NLRP14: variants seen among roughly 807,000 people sequenced by gnomAD.
NLRP14 encodes the protein NACHT, LRR and PYD domains-containing protein 14.
NLRP14 carries 105 observed loss-of-function variants against 94.7 expected under a neutral mutation model. That is an observed-to-expected ratio of 1.11 (90% CI 0.95 to 1.30). The LOEUF is 1.30. Ranked by LOEUF, NLRP14 falls within the 50% of genes most tolerant of loss-of-function variation. NLRP14 has a pLI of 0.00. For missense variants in NLRP14, 1,362 were observed against 1,254.1 expected, an observed-to-expected ratio of 1.09 and a Z score of -1.30; for synonymous variants, 508 against 459.9, an observed-to-expected ratio of 1.10 and a Z score of -1.34.
the NLRP14 span, among the ~76,000 whole-genome samples, chr11:7,085,566 T>A: frequency 6.6e-6 from 1 of 152,198 alleles, no homozygotes. Flanking sequence ...TTTCCTTCCC[T>A]AAGGCTAAAT....
intron 10 of NLRP14, among the ~76,000 whole-genome samples, chr11:7,066,553 G>T (rs549375851): frequency 9.9e-5 from 15 of 152,140 alleles, no homozygotes; most frequent in African/African-American, 3.6e-4. Flanking sequence ...TTTTGATGGG[G>T]TTGTTTTTTT....
At chr11:7,024,671 T>C (rs1469712069) in intron 1 of NLRP14, among the ~76,000 whole-genome samples, 1 of 152,218 alleles carries the variant, frequency 6.6e-6, no homozygotes, top group African/African-American at 2.4e-5. Flanking sequence ...TGTGTGTGCA[T>C]GCATACAAGT....
the NLRP14 span, chr11:7,089,714 GCTGCCCCCGCGCCGCGACCCCTAC>G: frequency 6.6e-7 from 1 of 1,512,420 alleles, no homozygotes; most frequent in Non-Finnish European, 8.8e-7. Context: ...GCCGGGAGCC[GCTGCCCCCGCGCCGCGACCCCTAC>G]CTGGGCCCGC....
downstream of NLRP14, among the ~76,000 whole-genome samples, chr11:7,071,531 G>A (rs982118133): frequency 2.8e-5 from 2 of 72,006 alleles, no homozygotes; most frequent in Non-Finnish European, 3.3e-5. Context: ...TCTCTGAAAA[G>A]TATGTTTTTA....
At chr11:7,055,790 C>T (rs533944908) in intron 6 of NLRP14, among the ~76,000 whole-genome samples, 2 of 152,164 alleles carry the variant, frequency 1.3e-5, no homozygotes, top group South Asian at 4.1e-4. Flanking sequence ...AACAGCTGGT[C>T]AGTGCTACAG....
rs201919128 is a variant in NLRP14 at position 7,059,951 on chromosome 11, A to T, written c.2691A>T (p.Leu897=). 1 of 1,612,554 alleles carries T rather than the reference A, an allele frequency of 6.2e-7. No homozygotes were observed. Among genetic ancestry groups the T allele is most frequent in the African/African-American group, 1.3e-5 (1 of 74,944 alleles). ...LSSEYLSTSL[L]HNKSLTHLDL... Reference sequence around the variant, plus strand: ...GTGAATATCTGTCAACTTCTCTTCTACACAACAAGAGCCTGACGCATCTGG... The same window carrying T: ...GTGAATATCTGTCAACTTCTCTTCTTCACAACAAGAGCCTGACGCATCTGG... Residue 897 remains leucine (L), a synonymous_variant, in exon 9 of 12, where the codon CTA becomes CTT. Coordinates refer to ENST00000299481, the MANE Select transcript of NLRP14 (RefSeq NM_176822.4).
In NLRP14 at chr11:7,043,570, T is replaced by G; in HGVS notation, c.1544T>G (p.Leu515Arg). 1 of 1,614,240 alleles carries G rather than the reference T, an allele frequency of 6.2e-7. No homozygotes were observed. Among genetic ancestry groups the G allele is most frequent in the Non-Finnish European group, 8.5e-7 (1 of 1,180,046 alleles). Residue 515 changes from leucine to arginine, a missense_variant, in exon 4 of 12, where the codon CTT (leucine) becomes CGT (arginine). Coordinates refer to ENST00000299481, the MANE Select transcript of NLRP14 (RefSeq NM_176822.4). ...CQPFEDLKSL[L>R]QSTSYKDPHL... is the part of the protein sequence containing the mutation. The stretch of plus-strand genomic sequence containing the variant: ...CCTTTTGAAGATTTGAAGTCATTAC[T>G]TCAAAGCACAAGTTATAAAGACCCC...
At chr11:7,058,939 A>G (rs893396872) in intron 8 of NLRP14, among the ~76,000 whole-genome samples, 1 of 151,990 alleles carries the variant, frequency 6.6e-6, no homozygotes, top group Non-Finnish European at 1.5e-5. Flanking sequence ...TTGGCCAAAT[A>G]TGGTTAAATT....
chr11:7,047,301 TC>T (rs1367120709), intron 5 of NLRP14, among the ~76,000 whole-genome samples: 4 of 117,024 alleles, frequency 3.4e-5, no homozygotes, highest in Non-Finnish European at 7.0e-5. Flanking sequence ...CTCAGAAAGG[TC>T]CCTTGTACCC....
intron 1 of NLRP14, among the ~76,000 whole-genome samples, chr11:7,026,760 T>A (rs1196718445): frequency 7.2e-6 from 1 of 138,432 alleles, no homozygotes; most frequent in Non-Finnish European, 1.5e-5. Flanking sequence ...CCAACCCAAA[T>A]GTCCAACAAT....
chr11:7,089,070 C>A, the NLRP14 span: 1 of 1,579,784 alleles, frequency 6.3e-7, no homozygotes, highest in Admixed American at 1.8e-5. Context: ...CTGCGACTGG[C>A]GCCGCCTCAC....
intron 6 of NLRP14, among the ~76,000 whole-genome samples, chr11:7,054,438 G>T (rs927961344): frequency 1.3e-5 from 2 of 152,086 alleles, no homozygotes; most frequent in African/African-American, 4.8e-5. Flanking sequence ...GTGTATGAGG[G>T]TTCCTTTTTC....
At chr11:7,070,730 T>A (rs1852781913) in intron 11 of NLRP14, among the ~76,000 whole-genome samples, 1 of 152,184 alleles carries the variant, frequency 6.6e-6, no homozygotes, top group Admixed American at 6.5e-5. Context: ...CCCATCACTC[T>A]TTGTTTTGAT....
chr11:7,088,264 A>G, the NLRP14 span, among the ~76,000 whole-genome samples: 1 of 152,204 alleles, frequency 6.6e-6, no homozygotes, highest in Non-Finnish European at 1.5e-5. Flanking sequence ...CAACAGGCAC[A>G]TATGTTTGAA....
intron 1 of NLRP14, among the ~76,000 whole-genome samples, chr11:7,030,774 G>C (rs1831292965): frequency 1.3e-5 from 2 of 152,200 alleles, no homozygotes; most frequent in African/African-American, 2.4e-5. Context: ...ACTGCTTATT[G>C]GGAGTCAGCC....
intron 1 of NLRP14, among the ~76,000 whole-genome samples, chr11:7,035,907 A>G (rs1296886632): frequency 1.3e-5 from 2 of 152,208 alleles, no homozygotes; most frequent in Non-Finnish European, 2.9e-5. Flanking sequence ...TTAAAAGGCA[A>G]TGCTATGTAG....
chr11:7,052,694 G>T (rs1852457869), intron 6 of NLRP14, among the ~76,000 whole-genome samples: 2 of 152,260 alleles, frequency 1.3e-5, no homozygotes, highest in African/African-American at 2.4e-5. Flanking sequence ...AATATCCACA[G>T]CTGTGTCTCA....
intron 10 of NLRP14, among the ~76,000 whole-genome samples, chr11:7,063,633 T>C (rs1034843538): frequency 2.0e-5 from 3 of 152,072 alleles, no homozygotes; most frequent in African/African-American, 7.2e-5. Context: ...AGTAAAATCT[T>C]GGCTTCTGGT....
At chr11:7,077,010 A>C in the NLRP14 span, among the ~76,000 whole-genome samples, 1 of 152,182 alleles carries the variant, frequency 6.6e-6, no homozygotes, top group Non-Finnish European at 1.5e-5. Context: ...AGCCCCGCAG[A>C]CTCCAGCAGA....
Sources: gnomAD v4.1 joint callset for allele counts (sites outside exome capture counted in the v4.1 genomes callset) on GRCh38, gnomAD v4.1.1 for gene constraint, MANE v1.5 for transcripts, NCBI Gene and HGNC (gene_info 2026-07-23, HGNC 2026-07-21) for gene names.